Variants in DNAH17 observed in about 807,000 individuals in gnomAD.
DNAH17 encodes axonemal beta dynein heavy chain 17.
DNAH17 carries 376 observed loss-of-function variants against 485.6 expected under a neutral mutation model. That is an observed-to-expected ratio of 0.77 (90% CI 0.71 to 0.84). DNAH17 has a LOEUF of 0.84. DNAH17 is among the 40% of genes least tolerant of loss of function. The pLI is 0.00. For synonymous variants in DNAH17, 3,031 were observed against 2,405.9 expected, an observed-to-expected ratio of 1.26 and a Z score of -7.60; for missense variants, 6,370 against 5,839.3, an observed-to-expected ratio of 1.09 and a Z score of -2.96.
At chr17:78,455,159 C>T (rs1230475085) in intron 63 of DNAH17, among the ~76,000 whole-genome samples, 1 of 152,058 alleles carries the variant, frequency 6.6e-6, no homozygotes, top group Non-Finnish European at 1.5e-5. Flanking sequence ...ATCTGCCTGC[C>T]TCAGCCTCCC....
At chr17:78,539,173 T>C (rs1167536829) in intron 18 of DNAH17, among the ~76,000 whole-genome samples, 4 of 152,028 alleles carry the variant, frequency 2.6e-5, no homozygotes, top group Non-Finnish European at 2.9e-5. Flanking sequence ...GAGTTTGCAG[T>C]GAGCTGAGAT....
intron 17 of DNAH17, among the ~76,000 whole-genome samples, chr17:78,542,605 G>A (rs953619726): frequency 2.6e-5 from 4 of 152,166 alleles, no homozygotes; most frequent in African/African-American, 7.2e-5. Context: ...CAGGACTCCA[G>A]ACAAAGCACC....
intron 47 of DNAH17, 55 bp from the exon 48 acceptor site, chr17:78,485,088 T>C: frequency 3.9e-6 from 6 of 1,533,958 alleles, no homozygotes; most frequent in Non-Finnish European, 5.2e-6. Flanking sequence ...CAGAGCCTGT[T>C]AGGTAGGGAG....
chr17:78,423,839 G>A lies in DNAH17; in HGVS notation c.*67C>T, dbSNP rs1486720526. On this transcript the variant is annotated 3_prime_UTR_variant, in exon 81 of 81. Transcript: ENST00000389840. ...CAGTTCCTGTAAAGAATAAGTCACA[G>A]GTGCACAGGTGAAGGGCTGAGTTGT... 6.3e-7 allele frequency: 1 copy of A among 1,579,764 alleles called. No individual in the cohort carries two copies. The highest frequency in any genetic ancestry group is 8.6e-7 in the Non-Finnish European group (1 of 1,157,320).
At chr17:78,557,313 G>A (rs1468358479) in intron 14 of DNAH17, among the ~76,000 whole-genome samples, 1 of 152,098 alleles carries the variant, frequency 6.6e-6, no homozygotes. Flanking sequence ...AGGGTAAATA[G>A]ATCTATAAAG....
intron 32 of DNAH17, 56 bp downstream of exon 32, chr17:78,502,829 GA>G: frequency 6.3e-7 from 1 of 1,595,274 alleles, no homozygotes; most frequent in Non-Finnish European, 8.5e-7. Flanking sequence ...TGAACGCAAA[GA>G]AACTCGCCCC....
rs1235255676 is a variant in DNAH17 at position 78,435,262 on chromosome 17, C to T, written c.12034-1042G>A. Among the ~76,000 whole-genome samples the T allele has an allele frequency of 2.0e-5, 3 of 152,222 alleles. 1 individual carries two copies. The highest frequency in any genetic ancestry group is 4.8e-5 in the African/African-American group (2 of 41,548). ...CAAGGGAAGGCCTGGCGGGTGTCAC[C>T]GTCCATCCATCCTCCAGAGTCCATC... On this transcript the variant is annotated intron_variant, in intron 74 of 80. Coordinates refer to ENST00000389840, the MANE Select transcript of DNAH17 (RefSeq NM_173628.4).
chr17:78,443,230 C>T (rs535420707), intron 71 of DNAH17, among the ~76,000 whole-genome samples: 2 of 152,334 alleles, frequency 1.3e-5, no homozygotes, highest in East Asian at 1.9e-4. Context: ...GACGAGGAAT[C>T]GGATGCACAC....
intron 27 of DNAH17, among the ~76,000 whole-genome samples, 183 bp from the exon 28 acceptor site, chr17:78,507,988 A>C (rs1219530464): frequency 6.6e-6 from 1 of 152,196 alleles, no homozygotes; most frequent in Non-Finnish European, 1.5e-5. Flanking sequence ...TGATGGATGC[A>C]TGCGATCTCT....
chr17:78,426,849 T>TA, intron 78 of DNAH17, 77 bp downstream of exon 78: 2 of 1,522,842 alleles, frequency 1.3e-6, no homozygotes, highest in Non-Finnish European at 1.8e-6. Flanking sequence ...GTGCTAGGCC[T>TA]GGGTTGCCAG....
intron 9 of DNAH17, among the ~76,000 whole-genome samples, chr17:78,568,588 C>T (rs2092305178): frequency 6.6e-6 from 1 of 152,178 alleles, no homozygotes; most frequent in Admixed American, 6.5e-5. Context: ...AGAAAACCGC[C>T]TTGAAGCTTT....
At chr17:78,545,019 G>A (rs2091719889) in intron 16 of DNAH17, among the ~76,000 whole-genome samples, 1 of 151,910 alleles carries the variant, frequency 6.6e-6, no homozygotes, top group South Asian at 2.1e-4. Flanking sequence ...AAACATGAGG[G>A]AACCTCACCT....
At chr17:78,562,462 C>T (rs1052430888) in intron 11 of DNAH17, among the ~76,000 whole-genome samples, 2 of 151,958 alleles carry the variant, frequency 1.3e-5, no homozygotes, top group South Asian at 2.1e-4. Flanking sequence ...ATGAAACTAG[C>T]GGGGTCCAGT....
chr17:78,450,426 C>G (rs1019053129), intron 67 of DNAH17, 32 bp from the exon 68 acceptor site: 1 of 1,611,856 alleles, frequency 6.2e-7, no homozygotes, highest in Non-Finnish European at 8.5e-7. Flanking sequence ...GTGAATGACA[C>G]AGCAGATGGG....
At position 78,426,868 on chromosome 17, in the gene DNAH17, G is replaced by T. The variant is rs1027073635; in HGVS notation, c.12771+58C>A. On this transcript the variant is annotated intron_variant, in intron 78 of 80. Transcript: ENST00000389840. ...TAGGCCTGGGTTGCCAGAGGCCTGGGTTTCTGCTGGTTTCACCATCCAGCC... is the reference window on the plus strand; with the variant it reads ...TAGGCCTGGGTTGCCAGAGGCCTGGTTTTCTGCTGGTTTCACCATCCAGCC... The T allele has an allele frequency of 6.8e-5, 106 of 1,552,160 alleles. 1 individual carries two copies. In the Admixed American group the frequency reaches 2.0e-3, roughly 30 times the overall value.
chr17:78,550,629 C>T (rs924109519), intron 16 of DNAH17, among the ~76,000 whole-genome samples: 6 of 152,118 alleles, frequency 3.9e-5, no homozygotes, highest in African/African-American at 1.2e-4. Context: ...CTGGGGGAGC[C>T]AACCCTGCCG....
rs373410303 is a variant in DNAH17 at position 78,532,574 on chromosome 17, A to C, written c.3022T>G (p.Tyr1008Asp). The change falls in exon 20 of 81, where the codon TAT becomes GAT. Residue 1008 changes from tyrosine to aspartate, a missense_variant. By Grantham distance (160) the Tyr-to-Asp change is radical. Coordinates refer to ENST00000389840, the MANE Select transcript of DNAH17 (RefSeq NM_173628.4). ...LQEFMKNFLIYGCAVTAEDLD... is the reference protein window; with the variant it reads ...LQEFMKNFLIDGCAVTAEDLD... ...TCCTCCGCAGTGACTGCACACCCAT[A>C]TATCAGGAAATTCTTCATAAACTCC... is the stretch of plus-strand genomic sequence containing the variant. 2.0e-5 allele frequency: 32 copies of C among 1,609,606 alleles called. No individual in the cohort carries two copies. The highest frequency in any genetic ancestry group is 2.6e-5 in the Non-Finnish European group (31 of 1,177,920).
intron 7 of DNAH17, 92 bp downstream of exon 7, chr17:78,570,155 C>CT: frequency 7.1e-7 from 1 of 1,412,548 alleles, no homozygotes; most frequent in Admixed American, 2.2e-5. Context: ...TTTCAAACTG[C>CT]TGGGGAACAT....
chr17:78,569,807 C>G lies in DNAH17; in HGVS notation c.1045-280G>C, dbSNP rs535678456. Among the ~76,000 whole-genome samples, 19 of 152,342 alleles carry G rather than the reference C, an allele frequency of 1.2e-4. No individual in the cohort carries two copies. In the South Asian group the frequency reaches 3.9e-3, roughly 32 times the overall value. ...CCCGGTGCCCTTCTGGTCCTGCAGACGGGGCCACAGCATGGTTTTATTATA... is the reference window on the plus strand; with the variant it reads ...CCCGGTGCCCTTCTGGTCCTGCAGAGGGGGCCACAGCATGGTTTTATTATA... On this transcript the variant is annotated intron_variant, in intron 7 of 80. Transcript: ENST00000389840.
Sources: gnomAD v4.1 joint callset for allele counts (sites outside exome capture counted in the v4.1 genomes callset) on GRCh38, gnomAD v4.1.1 for gene constraint, MANE v1.5 for transcripts, NCBI Gene and HGNC (gene_info 2026-07-23, HGNC 2026-07-21) for gene names.